The following LAMC3 variants were observed in gnomAD, a reference collection of about 807,000 sequenced individuals.
LAMC3 encodes laminin subunit gamma 3.
In LAMC3, 128 loss-of-function variants were observed where a neutral mutation model predicts 173.8. The observed-to-expected ratio is 0.74, with a 90% CI of 0.64 to 0.85. The LOEUF (loss-of-function observed/expected upper bound fraction) is 0.85. LAMC3 is among the 40% of genes least tolerant of loss of function. LAMC3 has a pLI of 0.00. For missense variants in LAMC3, 2,022 were observed against 2,156.0 expected, an observed-to-expected ratio of 0.94 and a Z score of 1.23; for synonymous variants, 897 against 909.1, an observed-to-expected ratio of 0.99 and a Z score of 0.24.
At position 131,072,617 on chromosome 9, in the gene LAMC3, G is replaced by C. The variant is rs1319539286; in HGVS notation, c.3212-13G>C. On this transcript the variant is annotated splice_polypyrimidine_tract_variant and intron_variant, in intron 18 of 27. Transcript: ENST00000361069. The stretch of plus-strand genomic sequence containing the variant: ...CACCACTTTGTGACCCCTGGGCTGT[G>C]GGCTTCCCATAGGGGCTCGGGAAGC... 2 of 1,603,746 alleles carry C rather than the reference G, an allele frequency of 1.2e-6. No individual in the cohort carries two copies. Among genetic ancestry groups the C allele is most frequent in the African/African-American group, 2.7e-5 (2 of 74,786 alleles).
chr9:131,010,885 T>TTCAGCCCG (rs897554088), intron 1 of LAMC3, among the ~76,000 whole-genome samples: 6 of 152,172 alleles, frequency 3.9e-5, no homozygotes, highest in Non-Finnish European at 8.8e-5. Context: ...TCCCTCCGTG[T>TTCAGCCCG]TCAGCCCGAT....
intron 15 of LAMC3, 88 bp from the exon 16 acceptor site, chr9:131,068,820 C>T: frequency 6.7e-7 from 1 of 1,481,554 alleles, no homozygotes; most frequent in South Asian, 1.2e-5. Context: ...GGGCTGTGAT[C>T]TGAGGCCCCA....
chr9:131,020,893 G>A (rs1833612431), intron 1 of LAMC3, among the ~76,000 whole-genome samples: 1 of 152,106 alleles, frequency 6.6e-6, no homozygotes, highest in African/African-American at 2.4e-5. Context: ...CGGTTCTTTT[G>A]GGTATATCCC....
chr9:131,073,795 T>G (rs949085203), intron 20 of LAMC3, among the ~76,000 whole-genome samples: 1 of 152,060 alleles, frequency 6.6e-6, no homozygotes, highest in Non-Finnish European at 1.5e-5. Context: ...CCGTTTCTCC[T>G]TACCTCCCCA....
chr9:131,072,850 C>T lies in LAMC3; in HGVS notation c.3417+15C>T, dbSNP rs1830060620. ...TCGCGTCTCTGGTATCCCAGGGGAC[C>T]CCCCTACCCGAACACACCAAACCTG... On this transcript the variant is annotated intron_variant, in intron 19 of 27. Transcript: ENST00000361069. 2 of 1,603,504 alleles carry T rather than the reference C, an allele frequency of 1.2e-6. No homozygotes were observed. The highest frequency in any genetic ancestry group is 2.2e-5 in the East Asian group (1 of 44,648).
rs2133344485 is a variant in LAMC3, at chr9:131,082,154, T to C, written c.4023T>C (p.Asp1341=). 6.2e-7 allele frequency: 1 copy of C among 1,612,046 alleles called. No homozygotes were observed. Among genetic ancestry groups the C allele is most frequent in the Non-Finnish European group, 8.5e-7 (1 of 1,178,544 alleles). Residue 1341 remains aspartate (D), a synonymous_variant, in exon 24 of 28, where the codon GAT becomes GAC. Coordinates refer to ENST00000361069, the MANE Select transcript of LAMC3 (RefSeq NM_006059.4). ...TVMGARTLLA[D]LEGMKLQFPR... is the part of the protein sequence containing the mutation. ...TGGGAGCCAGGACTCTGCTGGCTGATCTGGAAGGTACGTGAGTCCAGCTGA... is the reference window on the plus strand; with the variant it reads ...TGGGAGCCAGGACTCTGCTGGCTGACCTGGAAGGTACGTGAGTCCAGCTGA...
chr9:131,060,257 T>G (rs1449975017), intron 12 of LAMC3, among the ~76,000 whole-genome samples: 1 of 152,178 alleles, frequency 6.6e-6, no homozygotes, highest in Non-Finnish European at 1.5e-5. Context: ...ACGTTGCTCT[T>G]CCTTTTGGTC....
intron 25 of LAMC3, among the ~76,000 whole-genome samples, chr9:131,086,983 C>T (rs1005573705): frequency 6.6e-6 from 1 of 152,210 alleles, no homozygotes; most frequent in African/African-American, 2.4e-5. Context: ...CCTCAGCCTC[C>T]CAAAGTGCTG....
At chr9:131,080,793 A>T (rs1240208769) in intron 23 of LAMC3, among the ~76,000 whole-genome samples, 2 of 152,074 alleles carry the variant, frequency 1.3e-5, no homozygotes, top group East Asian at 3.9e-4. Flanking sequence ...CCCAGCGTGT[A>T]CAGATGCCTC....
intron 11 of LAMC3, among the ~76,000 whole-genome samples, chr9:131,056,488 C>T (rs1434740865): frequency 1.0e-5 from 1 of 99,482 alleles, no homozygotes; most frequent in Non-Finnish European, 2.0e-5. Flanking sequence ...CTTGAATTGA[C>T]AATTTGAAAA....
intron 16 of LAMC3, 92 bp from the exon 17 acceptor site, chr9:131,069,580 C>A: frequency 7.5e-7 from 1 of 1,339,432 alleles, no homozygotes; most frequent in East Asian, 2.5e-5. Context: ...ACACCCAGAA[C>A]CCAGCACGCA....
chr9:131,062,660 G>A (rs577736925), intron 13 of LAMC3, among the ~76,000 whole-genome samples: 3 of 152,148 alleles, frequency 2.0e-5, no homozygotes, highest in Middle Eastern at 3.4e-3. Flanking sequence ...CCTGCGGTCC[G>A]GAGTCTGAGA....
In LAMC3 at chr9:131,052,624, C is replaced by G. The variant is rs755715827; in HGVS notation, c.1764C>G (p.His588Gln). 11 of 1,613,774 alleles carry G rather than the reference C, an allele frequency of 6.8e-6. No individual in the cohort carries two copies. In the Admixed American group the frequency reaches 1.8e-4, roughly 27 times the overall value. The change falls in exon 10 of 28, where the codon CAC (histidine) becomes CAG (glutamine). Residue 588 changes from histidine (H) to glutamine (Q), a missense_variant. Physicochemically the swap from His to Gln is conservative, Grantham distance 24. Coordinates refer to ENST00000361069, the MANE Select transcript of LAMC3 (RefSeq NM_006059.4). ...CAGGCTTGGCCCTGTCCCTGAGGCACTCTAGCCTGTCTGGCCCCCAGGATG... is the reference window on the plus strand; with the variant it reads ...CAGGCTTGGCCCTGTCCCTGAGGCAGTCTAGCCTGTCTGGCCCCCAGGATG... ...EGTGLALSLR[H>Q]SSLSGPQDAG...
chr9:131,081,561 C>G (rs961090850), intron 23 of LAMC3, among the ~76,000 whole-genome samples: 5 of 151,696 alleles, frequency 3.3e-5, no homozygotes, highest in Non-Finnish European at 5.9e-5. Flanking sequence ...ACCTCTGCCC[C>G]ATAGGTTCAA....
Position 131,068,199 on chromosome 9 carries a change from C to T in LAMC3, c.2715C>T (p.Phe905=), listed in dbSNP as rs768980737. Residue 905 remains phenylalanine (F), a synonymous_variant, in exon 15 of 28, where the codon TTC becomes TTT. Coordinates refer to ENST00000361069, the MANE Select transcript of LAMC3 (RefSeq NM_006059.4). ...ARDCSRCYPG[F]FDLQPGRGCR... ...ACTGCAGCCGCTGCTACCCTGGCTT[C>T]TTCGACCTCCAGCCTGGGAGGGGCT... 11 of 1,612,302 alleles carry T rather than the reference C, an allele frequency of 6.8e-6. No individual in the cohort carries two copies. The South Asian group carries it at 1.1e-4, about 16-fold the overall frequency.
intron 6 of LAMC3, among the ~76,000 whole-genome samples, chr9:131,039,601 T>G (rs7858923): frequency 0.045 from 6,335 of 142,012 alleles, 415 homozygotes; most frequent in African/African-American, 0.16. Context: ...GAAGCAGGAG[T>G]GGGTGAGGGG....
intron 25 of LAMC3, among the ~76,000 whole-genome samples, chr9:131,086,680 G>A (rs1473516764): frequency 6.7e-6 from 1 of 148,702 alleles, no homozygotes; most frequent in Non-Finnish European, 1.5e-5. Flanking sequence ...TTGAGGTCAG[G>A]AGTTCGAGAC....
intron 9 of LAMC3, among the ~76,000 whole-genome samples, chr9:131,049,749 C>T (rs765714985): frequency 5.3e-5 from 8 of 152,192 alleles, no homozygotes; most frequent in South Asian, 4.1e-4. Context: ...CTGTGTTTCC[C>T]ATCAGCCCCT....
At chr9:131,019,857 C>T (rs1833596562) in intron 1 of LAMC3, among the ~76,000 whole-genome samples, 1 of 150,284 alleles carries the variant, frequency 6.7e-6, no homozygotes, top group Admixed American at 6.6e-5. Flanking sequence ...GCTGGCTGAG[C>T]CAGCAGCTGG....
Sources: gnomAD v4.1 joint callset for allele counts (sites outside exome capture counted in the v4.1 genomes callset) on GRCh38, gnomAD v4.1.1 for gene constraint, MANE v1.5 for transcripts, NCBI Gene and HGNC (gene_info 2026-07-23, HGNC 2026-07-21) for gene names.